Variants in SLC24A2 observed in about 807,000 individuals in gnomAD.
SLC24A2 encodes the protein sodium/potassium/calcium exchanger 2.
In SLC24A2, 36 loss-of-function variants were observed where a neutral mutation model predicts 62.0. The observed-to-expected ratio is 0.58, with a 90% CI of 0.44 to 0.77. The LOEUF (loss-of-function observed/expected upper bound fraction) is 0.77, where lower values mean the gene tolerates loss of function less well. Ranked by LOEUF, SLC24A2 falls within the 30% of genes least tolerant of loss-of-function variation. The pLI is 0.00. For synonymous variants in SLC24A2, 358 were observed against 294.0 expected (o/e 1.22, Z -2.23); for missense variants, 846 against 817.9 (o/e 1.03, Z -0.42).
At chr9:20,305,306 C>T in the SLC24A2 span, among the ~76,000 whole-genome samples, 1 of 152,000 alleles carries the variant, frequency 6.6e-6, no homozygotes, top group Non-Finnish European at 1.5e-5. Flanking sequence ...TGAGGTTTCA[C>T]CATGTTGGTC....
chr9:19,735,997 A>G (rs1303654599), intron 2 of SLC24A2, among the ~76,000 whole-genome samples: 1 of 152,192 alleles, frequency 6.6e-6, no homozygotes, highest in Non-Finnish European at 1.5e-5. Context: ...CCCAAAACTT[A>G]AAGTATAAAA....
chr9:19,925,641 G>C, the SLC24A2 span, among the ~76,000 whole-genome samples: 1 of 152,248 alleles, frequency 6.6e-6, no homozygotes, highest in East Asian at 1.9e-4. Flanking sequence ...CAGAACCTGC[G>C]TCATGTATTT....
rs55924253 is a variant in SLC24A2, at chr9:19,567,174, GAA to G, written c.1347+6175_1347+6176del. ...AAAAATAAACCTAGAAAAGAATCTG[GAA>G]AAAAAAAAAAGAAAATCTGCTTTTT... On this transcript the variant is annotated intron_variant, in intron 7 of 10. Coordinates refer to ENST00000341998, the MANE Select transcript of SLC24A2 (RefSeq NM_020344.4). Among the ~76,000 whole-genome samples the G allele has an allele frequency of 3.3e-4, 45 of 138,146 alleles. 1 individual carries two copies. Among genetic ancestry groups the G allele is most frequent in the African/African-American group, 1.1e-3 (42 of 38,350 alleles). The allele number at this position is 138,146 out of a possible 152,430, so 90.6% of individuals were successfully genotyped here.
chr9:20,242,110 G>T, the SLC24A2 span, among the ~76,000 whole-genome samples: 1 of 152,094 alleles, frequency 6.6e-6, no homozygotes, highest in East Asian at 1.9e-4. Flanking sequence ...TCTGGCAGCC[G>T]CTGGCCAAGC....
chr9:19,731,866 T>G (rs1295769842), intron 2 of SLC24A2, among the ~76,000 whole-genome samples: 1 of 152,216 alleles, frequency 6.6e-6, no homozygotes, highest in Non-Finnish European at 1.5e-5. Context: ...ACTGGAACTG[T>G]GTTCTCACTT....
At chr9:19,970,242 C>T in the SLC24A2 span, among the ~76,000 whole-genome samples, 3 of 152,292 alleles carry the variant, frequency 2.0e-5, no homozygotes, top group East Asian at 5.8e-4. Flanking sequence ...TCTGAAATCA[C>T]TGATATTTTT....
intron 8 of SLC24A2, among the ~76,000 whole-genome samples, chr9:19,541,849 A>G (rs1481242814): frequency 2.0e-5 from 3 of 151,436 alleles, no homozygotes; most frequent in African/African-American, 7.3e-5. Flanking sequence ...TGTGCTAGCA[A>G]TCAGCGAGAT....
chr9:19,914,503 T>C, the SLC24A2 span, among the ~76,000 whole-genome samples: 1 of 152,128 alleles, frequency 6.6e-6, no homozygotes. Context: ...TTTTTAATAA[T>C]ATACATTTCC....
At chr9:19,870,742 T>G in the SLC24A2 span, among the ~76,000 whole-genome samples, 1 of 152,178 alleles carries the variant, frequency 6.6e-6, no homozygotes, top group South Asian at 2.1e-4. Flanking sequence ...TCATTAATAT[T>G]TACATCATGG....
chr9:20,292,479 G>C, the SLC24A2 span, among the ~76,000 whole-genome samples: 1 of 152,280 alleles, frequency 6.6e-6, no homozygotes, highest in South Asian at 2.1e-4. Context: ...ATAATAAATA[G>C]TTCAGAAACA....
chr9:19,516,437 G>GA (rs1237434654), intron 10 of SLC24A2, 35 bp from the exon 11 acceptor site: 1 of 1,610,454 alleles, frequency 6.2e-7, no homozygotes, highest in African/African-American at 1.3e-5. Flanking sequence ...AGGGGAGTGG[G>GA]AAGACAAGGG....
intron 2 of SLC24A2, among the ~76,000 whole-genome samples, chr9:19,698,680 T>G (rs1195057150): frequency 2.0e-5 from 3 of 152,218 alleles, no homozygotes; most frequent in African/African-American, 7.2e-5. Flanking sequence ...CAAAAGAAAT[T>G]TGCTTTAGCT....
At position 19,511,548 on chromosome 9, in the gene SLC24A2, A is replaced by G. The variant is rs1293525207; in HGVS notation, c.*4605T>C. The G allele has an allele frequency of 2.0e-5, 3 of 151,818 alleles. No homozygotes were observed. The highest frequency in any genetic ancestry group is 1.3e-4 in the Admixed American group (2 of 15,242). The allele number at this position is 151,818 out of a possible 1,614,324, so 9.4% of individuals were successfully genotyped here. A position where few individuals can be genotyped will look rare whatever the true frequency, so the allele number is the denominator to read the frequency against. ...CTTTCTTCCCTTTCCTTATTATTCT[A>G]TTTTTTCTCCTACCCCTCTCTTAAT... On this transcript the variant is annotated 3_prime_UTR_variant, in exon 11 of 11. Transcript: ENST00000341998.
At chr9:19,675,463 A>G (rs1044786969) in intron 2 of SLC24A2, among the ~76,000 whole-genome samples, 2 of 152,116 alleles carry the variant, frequency 1.3e-5, no homozygotes, top group Non-Finnish European at 2.9e-5. Context: ...GCAGGCAGAG[A>G]AAGACCATCA....
the SLC24A2 span, among the ~76,000 whole-genome samples, chr9:20,268,032 C>A: frequency 6.6e-6 from 1 of 152,120 alleles, no homozygotes; most frequent in Non-Finnish European, 1.5e-5. Flanking sequence ...CCCACAGCCA[C>A]GTTATCTGCT....
At chr9:19,892,198 A>T in the SLC24A2 span, among the ~76,000 whole-genome samples, 1 of 152,058 alleles carries the variant, frequency 6.6e-6, no homozygotes, top group Admixed American at 6.6e-5. Context: ...CCTCTTTCTC[A>T]TAGTTCACAT....
chr9:20,216,492 G>T, the SLC24A2 span, among the ~76,000 whole-genome samples: 2 of 152,172 alleles, frequency 1.3e-5, no homozygotes, highest in Non-Finnish European at 2.9e-5. Context: ...TTATCAGAGA[G>T]GAGATAATTG....
chr9:19,636,334 T>TTCTTTTCTTTTC (rs1564009853), intron 2 of SLC24A2, among the ~76,000 whole-genome samples: 16 of 25,946 alleles, frequency 6.2e-4, no homozygotes, highest in Non-Finnish European at 1.0e-3. Flanking sequence ...TTTCTTTCTT[T>TTCTTTTCTTTTC]CTTTCTTTCT....
the SLC24A2 span, among the ~76,000 whole-genome samples, chr9:20,017,583 T>A: frequency 6.6e-6 from 1 of 152,138 alleles, no homozygotes; most frequent in African/African-American, 2.4e-5. Flanking sequence ...ACAGGTAATC[T>A]GCAAGCTGAG....
Sources: gnomAD v4.1 joint callset for allele counts (sites outside exome capture counted in the v4.1 genomes callset) on GRCh38, gnomAD v4.1.1 for gene constraint, MANE v1.5 for transcripts, NCBI Gene and HGNC (gene_info 2026-07-23, HGNC 2026-07-21) for gene names.